ZC3H18: variants seen among roughly 807,000 people sequenced by gnomAD.
The protein encoded by ZC3H18 is zinc finger CCCH domain-containing protein 18.
ZC3H18 carries 8 observed loss-of-function variants against 106.1 expected under a neutral mutation model. That is an observed-to-expected ratio of 0.08 (90% CI 0.04 to 0.14). The LOEUF (loss-of-function observed/expected upper bound fraction) is 0.14, where lower values mean the gene tolerates loss of function less well. Among genes scored for constraint, ZC3H18 ranks in the 10% least tolerant of loss-of-function variants. The pLI, the probability that ZC3H18 is intolerant of heterozygous loss-of-function variation, is 1.00. For synonymous variants in ZC3H18, 635 were observed against 522.1 expected (o/e 1.22, Z -2.95); for missense variants, 1,318 against 1,278.4 (o/e 1.03, Z -0.47).
At chr16:88,574,808 C>T (rs1041889503) in intron 1 of ZC3H18, among the ~76,000 whole-genome samples, 1 of 150,366 alleles carries the variant, frequency 6.7e-6, no homozygotes, top group Non-Finnish European at 1.5e-5. Flanking sequence ...ACCACCGCAC[C>T]TGACCAATTT....
At chr16:88,573,959 G>C (rs565404336) in intron 1 of ZC3H18, among the ~76,000 whole-genome samples, 1 of 150,512 alleles carries the variant, frequency 6.6e-6, no homozygotes, top group African/African-American at 2.4e-5. Flanking sequence ...TGCAACCTCC[G>C]CCCCCCCGAG....
In ZC3H18 at chr16:88,599,865, C is replaced by T. The variant is rs373430104; in HGVS notation, c.1005C>T (p.Gly335=). Residue 335 remains glycine, a synonymous_variant, in exon 6 of 18, where the codon GGC becomes GGT. Coordinates refer to ENST00000301011, the MANE Select transcript of ZC3H18 (RefSeq NM_144604.4). The part of the protein sequence containing the change: ...FEEKRFTVTI[G]EDEREFDKEN... ...AGAAAAGGTTTACGGTGACCATTGG[C>T]GAAGACGAACGGGAATTTGACAAAG... 58 of 1,614,168 alleles carry T rather than the reference C, an allele frequency of 3.6e-5. No homozygotes were observed. Among genetic ancestry groups the T allele is most frequent in the South Asian group, 6.6e-5 (6 of 91,086 alleles).
intron 12 of ZC3H18, 78 bp downstream of exon 12, chr16:88,624,823 C>G: frequency 6.7e-7 from 1 of 1,500,480 alleles, no homozygotes; most frequent in Non-Finnish European, 8.9e-7. Context: ...GCTGGAAATC[C>G]AGAGTGCCAG....
In ZC3H18 at chr16:88,611,470, G is replaced by A. The variant is rs1351030695; in HGVS notation, c.1409G>A (p.Arg470His). The change falls in exon 8 of 18, where the codon CGC becomes CAC. Residue 470 changes from arginine to histidine, a missense_variant. Around this residue, in one of 6 missense-constraint regions of ZC3H18, gnomAD observed 848 missense variants for 821.7 expected, o/e 1.03. Coordinates refer to ENST00000301011, the MANE Select transcript of ZC3H18 (RefSeq NM_144604.4). ...RDEKDRQHRDRDREKEREKEK... is the reference protein window; with the variant it reads ...RDEKDRQHRDHDREKEREKEK... ...GAGAAGGACCGGCAGCACCGTGACC[G>A]CGACCGGGAGAAGGAGCGGGAGAAG... The A allele has an allele frequency of 5.2e-6, 8 of 1,549,196 alleles. No individual in the cohort carries two copies. The highest frequency in any genetic ancestry group is 4.9e-5 in the East Asian group (2 of 40,896).
rs867989092 is a variant in ZC3H18 at position 88,589,875 on chromosome 16, T to C, written c.688+3191T>C. Among the ~76,000 whole-genome samples the C allele has an allele frequency of 2.0e-5, 3 of 152,366 alleles. No homozygotes were observed. The South Asian group carries it at 6.2e-4, about 32-fold the overall frequency. On this transcript the variant is annotated intron_variant, in intron 3 of 17. Transcript: ENST00000301011. ...GATGGAATGTTCTAGAACTAGCTAGTGGTGATGCTTACACAACTTTGTGAA... is the reference window on the plus strand; with the variant it reads ...GATGGAATGTTCTAGAACTAGCTAGCGGTGATGCTTACACAACTTTGTGAA...
intron 8 of ZC3H18, among the ~76,000 whole-genome samples, chr16:88,620,047 C>T (rs549601973): frequency 1.3e-5 from 2 of 152,318 alleles, no homozygotes; most frequent in African/African-American, 4.8e-5. Context: ...TGTGATGTCG[C>T]GTGTCCGTGT....
At chr16:88,572,630 A>C (rs1914482244) in intron 1 of ZC3H18, among the ~76,000 whole-genome samples, 2 of 152,086 alleles carry the variant, frequency 1.3e-5, no homozygotes, top group Non-Finnish European at 2.9e-5. Context: ...AGTTATAGAT[A>C]GTGTAAGAAG....
At chr16:88,588,609 C>G (rs1008904775) in intron 3 of ZC3H18, among the ~76,000 whole-genome samples, 1 of 152,170 alleles carries the variant, frequency 6.6e-6, no homozygotes, top group Non-Finnish European at 1.5e-5. Context: ...CAAAGTTAGA[C>G]TAAGTACTGA....
intron 8 of ZC3H18, among the ~76,000 whole-genome samples, chr16:88,617,369 T>A (rs1905683345): frequency 6.6e-6 from 1 of 152,216 alleles, no homozygotes; most frequent in Non-Finnish European, 1.5e-5. Flanking sequence ...CTCCTCCACC[T>A]GGGCTGTTTT....
chr16:88,577,456 C>A lies in ZC3H18; in HGVS notation c.333C>A (p.Asp111Glu), dbSNP rs1401455380. The change falls in exon 2 of 18, where the codon GAC (aspartate) becomes GAA (glutamate). Residue 111 changes from aspartate (D) to glutamate (E), a missense_variant. Transcript: ENST00000301011. ...GDEGEEDRTS[D>E]LRDEASSVTR... ...AAGGGGAGGAAGACCGGACAAGCGA[C>A]CTTAGGGATGAGGCCTCCTCAGTCA... 6.2e-7 allele frequency: 1 copy of A among 1,612,022 alleles called. No individual in the cohort carries two copies. The highest frequency in any genetic ancestry group is 8.5e-7 in the Non-Finnish European group (1 of 1,179,154).
chr16:88,600,727 C>G (rs536698354), intron 6 of ZC3H18, among the ~76,000 whole-genome samples: 15 of 152,358 alleles, frequency 9.8e-5, no homozygotes, highest in Non-Finnish European at 5.9e-5. Context: ...TATGCCTGGT[C>G]TTTAAAAATC....
At chr16:88,582,734 C>T (rs1457838145) in intron 2 of ZC3H18, among the ~76,000 whole-genome samples, 2 of 152,206 alleles carry the variant, frequency 1.3e-5, no homozygotes, top group Non-Finnish European at 2.9e-5. Flanking sequence ...GCGCAGGCCA[C>T]CGTCCTTACA....
At chr16:88,570,930 G>A (rs972703759) in intron 1 of ZC3H18, among the ~76,000 whole-genome samples, 1 of 152,274 alleles carries the variant, frequency 6.6e-6, no homozygotes, top group African/African-American at 2.4e-5. Flanking sequence ...GAGGCGCCCA[G>A]ATTCACCTCC....
chr16:88,577,161 C>T lies in ZC3H18; in HGVS notation c.38C>T (p.Ser13Phe), dbSNP rs1301204576. 3 of 1,595,494 alleles carry T rather than the reference C, an allele frequency of 1.9e-6. No homozygotes were observed. The highest frequency in any genetic ancestry group is 4.5e-5 in the East Asian group (2 of 44,650). ...GAGAGCCCTGAACGGGATCCTCACT[C>T]TCCAGAGGATGAAGAGCAGCCACAG... ...VAESPERDPH[S>F]PEDEEQPQGL... Residue 13 changes from serine (S) to phenylalanine (F), a missense_variant, in exon 2 of 18, where the codon TCT (serine) becomes TTT (phenylalanine). By Grantham distance (155) the Ser-to-Phe change is radical. This residue lies in a region of ZC3H18 where 346 missense variants were observed against 269.0 expected (regional missense o/e 1.29). Transcript: ENST00000301011.
rs1906387681 is a variant in ZC3H18 at position 88,627,553 on chromosome 16, T to C, written c.2109-69T>C. 1 of 1,534,390 alleles carries C rather than the reference T, an allele frequency of 6.5e-7. No homozygotes were observed. The highest frequency in any genetic ancestry group is 8.8e-7 in the Non-Finnish European group (1 of 1,136,024). ...ATGGACACTGCGTAAAAGTGGACCATGGAGCACCCCCTGCTGGCCCCTCCC... is the reference window on the plus strand; with the variant it reads ...ATGGACACTGCGTAAAAGTGGACCACGGAGCACCCCCTGCTGGCCCCTCCC... On this transcript the variant is annotated intron_variant, in intron 13 of 17. Coordinates refer to ENST00000301011, the MANE Select transcript of ZC3H18 (RefSeq NM_144604.4). The surrounding 1 kb of genome is among the most constrained non-coding windows in gnomAD (Gnocchi z 4.5).
chr16:88,579,633 C>G (rs1362076293), intron 2 of ZC3H18, among the ~76,000 whole-genome samples: 1 of 152,186 alleles, frequency 6.6e-6, no homozygotes, highest in African/African-American at 2.4e-5. Flanking sequence ...CTAGACACAG[C>G]ACATGGAAGA....
At chr16:88,571,000 C>A (rs749627387) in intron 1 of ZC3H18, among the ~76,000 whole-genome samples, 1 of 152,204 alleles carries the variant, frequency 6.6e-6, no homozygotes, top group Non-Finnish European at 1.5e-5. Flanking sequence ...TCTTTATGAA[C>A]CTCCTGGAAC....
rs373430104 is a variant in ZC3H18, at chr16:88,599,865, C to A, written c.1005C>A (p.Gly335=). The change falls in exon 6 of 18, where the codon GGC becomes GGA. Residue 335 remains glycine (G), a synonymous_variant. Transcript: ENST00000301011. ...FEEKRFTVTI[G]EDEREFDKEN... ...AGAAAAGGTTTACGGTGACCATTGG[C>A]GAAGACGAACGGGAATTTGACAAAG... is the stretch of plus-strand genomic sequence containing the variant. The A allele has an allele frequency of 1.2e-6, 2 of 1,614,168 alleles. No homozygotes were observed. The highest frequency in any genetic ancestry group is 2.2e-5 in the East Asian group (1 of 44,884).
intron 2 of ZC3H18, among the ~76,000 whole-genome samples, chr16:88,581,700 T>C (rs187148394): frequency 8.5e-5 from 13 of 152,344 alleles, no homozygotes; most frequent in African/African-American, 2.9e-4. Flanking sequence ...GCAGCAGGCC[T>C]TGTTTTTATG....
Sources: allele counts gnomAD v4.1 joint callset (sites outside exome capture counted in the v4.1 genomes callset), GRCh38; gene constraint gnomAD v4.1.1; regional missense constraint gnomAD v4.1.1; non-coding constraint Gnocchi (gnomAD v3.1); transcripts MANE v1.5; gene names NCBI Gene and HGNC (gene_info 2026-07-23, HGNC 2026-07-21).